The following FRMPD4 variants were observed in gnomAD, a reference collection of about 807,000 sequenced individuals.
FRMPD4 encodes the protein FERM and PDZ domain-containing protein 4.
In FRMPD4, 22 loss-of-function variants were observed where a neutral mutation model predicts 94.1. The ratio of observed to expected loss-of-function variants is 0.23; its 90% CI spans 0.17 to 0.33. The LOEUF (loss-of-function observed/expected upper bound fraction) is 0.33, where lower values mean the gene tolerates loss of function less well. FRMPD4 is among the 10% of genes least tolerant of loss of function. FRMPD4 has a pLI of 1.00. For missense variants in FRMPD4, 1,111 were observed against 1,339.9 expected, an observed-to-expected ratio of 0.83 and a Z score of 2.67; for synonymous variants, 631 against 548.6, an observed-to-expected ratio of 1.15 and a Z score of -2.10.
At chrX:12,192,593 G>T (rs1027644495) in intron 1 of FRMPD4, among the ~76,000 whole-genome samples, 5 of 111,673 alleles carry the variant, frequency 4.5e-5, no homozygotes, top group African/African-American at 1.6e-4. Flanking sequence ...CTTGCCATCT[G>T]CTTCCCTACC....
intron 1 of FRMPD4, among the ~76,000 whole-genome samples, chrX:12,335,021 A>G (rs1402049717): frequency 1.8e-5 from 2 of 111,702 alleles, no homozygotes; most frequent in Non-Finnish European, 3.8e-5. Flanking sequence ...TTCCATGCCT[A>G]CTTCATTGGT....
Position 12,717,066 on chromosome X carries a change from C to T in FRMPD4, c.2607C>T (p.Val869=), listed in dbSNP as rs754948497. ...GKCEKGLDNA[V]VSTLGALEAL... ...GTGAGAAGGGACTGGATAATGCCGT[C>T]GTCTCCACGCTGGGAGCTCTAGAGG... is the stretch of plus-strand genomic sequence containing the variant. Residue 869 remains valine (V), a synonymous_variant, in exon 15 of 17, where the codon GTC becomes GTT. Transcript: ENST00000675598. 2.4e-5 allele frequency: 29 copies of T among 1,205,584 alleles called. No individual in the cohort carries two copies. Among genetic ancestry groups the T allele is most frequent in the Admixed American group, 4.4e-5 (2 of 45,851 alleles).
intron 3 of FRMPD4, among the ~76,000 whole-genome samples, chrX:11,997,689 G>A (rs1188590571): frequency 1.8e-5 from 2 of 110,921 alleles, no homozygotes; most frequent in Non-Finnish European, 1.9e-5. Flanking sequence ...CATCATAGGA[G>A]GGCAAAAGGC....
At chrX:12,053,438 A>AAGAGAAAGAAAGAAG (rs1347428899) in intron 3 of FRMPD4, among the ~76,000 whole-genome samples, 4 of 99,196 alleles carry the variant, frequency 4.0e-5, no homozygotes, top group South Asian at 4.6e-4. Flanking sequence ...AAGAGAAAGA[A>AAGAGAAAGAAAGAAG]AGAAGAGAAG....
At chrX:12,036,794 G>C (rs867143282) in intron 3 of FRMPD4, among the ~76,000 whole-genome samples, 9 of 111,781 alleles carry the variant, frequency 8.1e-5, no homozygotes, top group Non-Finnish European at 1.1e-4. Flanking sequence ...ATTTATGCAT[G>C]ATCCCTTTTA....
chrX:11,897,629 G>A (rs1216811176), intron 3 of FRMPD4, among the ~76,000 whole-genome samples: 1 of 112,171 alleles, frequency 8.9e-6, no homozygotes, highest in Non-Finnish European at 1.9e-5. Context: ...TTTTATGAAT[G>A]TAGGAAATAT....
At chrX:12,653,230 C>T (rs1020109715) in intron 4 of FRMPD4, among the ~76,000 whole-genome samples, 8 of 111,968 alleles carry the variant, frequency 7.1e-5, no homozygotes, top group African/African-American at 3.2e-5. Context: ...ATATTATTGT[C>T]ATTCTTAAAA....
At chrX:12,222,458 G>A (rs2056879554) in intron 1 of FRMPD4, among the ~76,000 whole-genome samples, 1 of 112,074 alleles carries the variant, frequency 8.9e-6, no homozygotes. Flanking sequence ...TATAGTAATT[G>A]AATTATAGCT....
intron 2 of FRMPD4, among the ~76,000 whole-genome samples, chrX:12,559,949 A>G (rs2058635609): frequency 9.0e-6 from 1 of 111,555 alleles, no homozygotes; most frequent in African/African-American, 3.2e-5. Flanking sequence ...TAGAGATGCA[A>G]TAAAAGACTT....
At chrX:12,213,700 C>T (rs987447625) in intron 1 of FRMPD4, among the ~76,000 whole-genome samples, 6 of 112,035 alleles carry the variant, frequency 5.4e-5, no homozygotes, top group African/African-American at 1.6e-4. Context: ...GTGGACTTGA[C>T]ATATTTAGAG....
intron 9 of FRMPD4, among the ~76,000 whole-genome samples, chrX:12,699,946 G>C (rs547162590): frequency 1.8e-5 from 2 of 112,392 alleles, no homozygotes; most frequent in Admixed American, 1.9e-4. Context: ...TCTGAGCAGC[G>C]TTCCTTCCTT....
chrX:12,459,043 A>G (rs923006422), intron 1 of FRMPD4, among the ~76,000 whole-genome samples: 8 of 111,939 alleles, frequency 7.1e-5, no homozygotes. Flanking sequence ...GTTGGCAGCC[A>G]TCTTTGGAAA....
At chrX:12,348,854 CA>C (rs763577237) in intron 1 of FRMPD4, among the ~76,000 whole-genome samples, 1 of 111,123 alleles carries the variant, frequency 9.0e-6, no homozygotes, top group Admixed American at 9.5e-5. Flanking sequence ...GCAACAACAA[CA>C]AAAAAAATGC....
intron 1 of FRMPD4, among the ~76,000 whole-genome samples, chrX:12,187,442 G>A (rs2056437886): frequency 9.0e-6 from 1 of 111,585 alleles, no homozygotes; most frequent in African/African-American, 3.3e-5. Flanking sequence ...GGTCAGCAGT[G>A]TTTGTTGAAT....
intron 3 of FRMPD4, among the ~76,000 whole-genome samples, chrX:11,898,297 CA>C (rs2053915531): frequency 9.0e-6 from 1 of 111,673 alleles, no homozygotes; most frequent in Non-Finnish European, 1.9e-5. Flanking sequence ...ACTCTATGGA[CA>C]GGGGTGGAAG....
intron 1 of FRMPD4, among the ~76,000 whole-genome samples, chrX:12,361,072 ACAGT>A (rs2055982152): frequency 9.0e-6 from 1 of 111,563 alleles, no homozygotes; most frequent in South Asian, 3.7e-4. Flanking sequence ...TTGTCAGCTC[ACAGT>A]CATTAGAGAA....
At chrX:11,962,646 C>T (rs1357658261) in intron 3 of FRMPD4, among the ~76,000 whole-genome samples, 1 of 111,730 alleles carries the variant, frequency 9.0e-6, no homozygotes, top group East Asian at 2.8e-4. Flanking sequence ...TGCATGCTGA[C>T]ACCCTGCCTT....
chrX:12,368,616 C>T lies in FRMPD4; in HGVS notation c.42-130064C>T, dbSNP rs144519333. Among the ~76,000 whole-genome samples, 51 of 110,848 alleles carry T rather than the reference C, an allele frequency of 4.6e-4. No homozygotes were observed. The East Asian group carries it at 0.012, about 27-fold the overall frequency. ...CAACATGGCTGGGTGCAGTGGCTCA[C>T]GCCTGTAATCCTAGCACTTTGGGAG... On this transcript the variant is annotated intron_variant, in intron 1 of 16. Coordinates refer to ENST00000675598, the MANE Select transcript of FRMPD4 (RefSeq NM_001368397.1).
intron 2 of FRMPD4, among the ~76,000 whole-genome samples, chrX:12,535,052 C>T (rs763907478): frequency 9.0e-6 from 1 of 111,351 alleles, no homozygotes; most frequent in Non-Finnish European, 1.9e-5. Context: ...ATCATGGGGG[C>T]AGGTCTTTCC....
Sources: gnomAD v4.1 joint callset for allele counts (sites outside exome capture counted in the v4.1 genomes callset) on GRCh38, gnomAD v4.1.1 for gene constraint, MANE v1.5 for transcripts, NCBI Gene and HGNC (gene_info 2026-07-23, HGNC 2026-07-21) for gene names.